Variants in EXPH5 observed in about 807,000 individuals in gnomAD.
EXPH5 encodes exophilin 5.
A neutral mutation model predicts 41.1 loss-of-function variants in EXPH5; 42 were observed. The observed-to-expected ratio is 1.02, with a 90% CI of 0.80 to 1.32. The LOEUF (loss-of-function observed/expected upper bound fraction) is 1.32, where lower values mean the gene tolerates loss of function less well. Ranked by LOEUF, EXPH5 falls within the 40% of genes most tolerant of loss-of-function variation. The probability of loss-of-function intolerance (pLI) is 0.00; values close to 1 mark genes in which losing one functional copy is unlikely to be tolerated. For missense variants in EXPH5, 2,298 were observed against 2,314.5 expected (o/e 0.99, Z 0.15); for synonymous variants, 798 against 833.5 (o/e 0.96, Z 0.73).
chr11:108,510,835 C>A lies in EXPH5; in HGVS notation c.4672G>T (p.Glu1558Ter). 6.2e-7 allele frequency: 1 copy of A among 1,614,212 alleles called. No individual in the cohort carries two copies. The highest frequency in any genetic ancestry group is 1.1e-5 in the South Asian group (1 of 91,080). The change falls in exon 6 of 6, where the codon GAA becomes TAA. Residue 1558 changes from glutamate to a stop codon, truncating the protein, a stop_gained. Transcript: ENST00000265843. LOFTEE classifies it low-confidence loss of function (END_TRUNC). ...TGATCCCAAGCTGACTTCTGCATTTCATCTTCAGCCTTCCTGCTCTCTGTC... is the reference window on the plus strand; with the variant it reads ...TGATCCCAAGCTGACTTCTGCATTTAATCTTCAGCCTTCCTGCTCTCTGTC... The part of the protein sequence containing the change: ...NMTESRKAED[E>*]MQKSAWDQPS...
intron 4 of EXPH5, among the ~76,000 whole-genome samples, chr11:108,519,979 T>A: frequency 7.4e-6 from 1 of 135,318 alleles, no homozygotes; most frequent in African/African-American, 2.7e-5. Context: ...AAAAAAAAAT[T>A]GCGAACCTGA....
chr11:108,599,983 T>C, the EXPH5 span, among the ~76,000 whole-genome samples: 2 of 152,226 alleles, frequency 1.3e-5, no homozygotes, highest in South Asian at 2.1e-4. Context: ...ACTAATCCCT[T>C]GAACTTGATT....
Position 108,509,631 on chromosome 11 carries a change from T to C in EXPH5, c.5876A>G (p.Tyr1959Cys), listed in dbSNP as rs1297992256. The change falls in exon 6 of 6, where the codon TAT (tyrosine) becomes TGT (cysteine). Residue 1959 changes from tyrosine (Y) to cysteine (C), a missense_variant. By Grantham distance (194) the Tyr-to-Cys change is radical. Coordinates refer to ENST00000265843, the MANE Select transcript of EXPH5 (RefSeq NM_015065.3). Reference sequence around the variant, plus strand: ...ATCTGAGTCCACTGGGTCATCCTCATAGATATTAAGCGGTTCACTTGGAGA... The same window carrying C: ...ATCTGAGTCCACTGGGTCATCCTCACAGATATTAAGCGGTTCACTTGGAGA... ...GLSPSEPLNI[Y>C]EDDPVDSDCD... 4 of 1,612,960 alleles carry C rather than the reference T, an allele frequency of 2.5e-6. No individual in the cohort carries two copies. Among genetic ancestry groups the C allele is most frequent in the East Asian group, 2.2e-5 (1 of 44,890 alleles).
chr11:108,568,387 CT>C (rs1431709162), intron 1 of EXPH5, among the ~76,000 whole-genome samples: 4 of 152,088 alleles, frequency 2.6e-5, no homozygotes, highest in African/African-American at 9.7e-5. Context: ...CGGTTCCCCC[CT>C]CTACTGTCAG....
chr11:108,606,710 C>T, the EXPH5 span, among the ~76,000 whole-genome samples: 31 of 152,116 alleles, frequency 2.0e-4, no homozygotes, highest in Non-Finnish European at 3.4e-4. Flanking sequence ...GACACCCTCC[C>T]TCAAGCCTCC....
chr11:108,519,266 A>C (rs980446226), intron 4 of EXPH5, among the ~76,000 whole-genome samples: 26 of 152,254 alleles, frequency 1.7e-4, no homozygotes, highest in African/African-American at 6.3e-4. Flanking sequence ...ACTTTGGGTA[A>C]GTGGTGGGGT....
chr11:108,567,881 T>C (rs1273275190), intron 1 of EXPH5: 2 of 152,212 alleles, frequency 1.3e-5, no homozygotes, highest in African/African-American at 4.8e-5. Flanking sequence ...AGCCAAGCAG[T>C]CTTCCAGGGG....
the EXPH5 span, among the ~76,000 whole-genome samples, chr11:108,605,523 C>T: frequency 1.3e-5 from 2 of 152,158 alleles, no homozygotes; most frequent in Non-Finnish European, 2.9e-5. Flanking sequence ...GGGTAGAGGG[C>T]AGAGATGCGG....
At chr11:108,527,761 T>C (rs1432694518) in intron 4 of EXPH5, among the ~76,000 whole-genome samples, 2 of 152,200 alleles carry the variant, frequency 1.3e-5, no homozygotes, top group African/African-American at 4.8e-5. Context: ...TGAGTACAAA[T>C]GATAACCACA....
chr11:108,596,087 C>T (rs982163602), upstream of EXPH5, among the ~76,000 whole-genome samples: 4 of 151,716 alleles, frequency 2.6e-5, no homozygotes, highest in Admixed American at 1.3e-4. Flanking sequence ...CCCAGCTACT[C>T]GGGAGGCTGA....
chr11:108,544,813 A>G (rs1278086418), intron 1 of EXPH5, among the ~76,000 whole-genome samples: 1 of 152,230 alleles, frequency 6.6e-6, no homozygotes. Flanking sequence ...TGTAAAAATG[A>G]TCCCCCTTTT....
intron 4 of EXPH5, among the ~76,000 whole-genome samples, chr11:108,519,393 C>T (rs2093749237): frequency 6.6e-6 from 1 of 152,004 alleles, no homozygotes; most frequent in Admixed American, 6.6e-5. Flanking sequence ...TTTTGGATTT[C>T]CTAACGTTGT....
chr11:108,521,818 G>A (rs902228032), intron 4 of EXPH5, among the ~76,000 whole-genome samples: 2 of 152,232 alleles, frequency 1.3e-5, no homozygotes, highest in African/African-American at 4.8e-5. Flanking sequence ...AGAACAGTAG[G>A]CATAATTCTC....
intron 3 of EXPH5, among the ~76,000 whole-genome samples, chr11:108,532,641 T>C (rs775621311): frequency 2.6e-5 from 4 of 151,848 alleles, no homozygotes; most frequent in Admixed American, 1.3e-4. Context: ...TGTATGACCA[T>C]TTAAACAAAA....
intron 1 of EXPH5, among the ~76,000 whole-genome samples, chr11:108,577,889 A>AT (rs1430658502): frequency 1.0e-4 from 15 of 150,668 alleles, no homozygotes; most frequent in African/African-American, 2.4e-4. Flanking sequence ...TTAAAATTTG[A>AT]TTTTTTTTTG....
chr11:108,599,104 A>G, the EXPH5 span, among the ~76,000 whole-genome samples: 1 of 152,026 alleles, frequency 6.6e-6, no homozygotes, highest in Non-Finnish European at 1.5e-5. Flanking sequence ...TCCTCCTCAC[A>G]CCTGGCTGGC....
At position 108,545,268 on chromosome 11, in the gene EXPH5, G is replaced by C. The variant is rs576777160; in HGVS notation, c.120-3456C>G. On this transcript the variant is annotated intron_variant, in intron 1 of 5. Transcript: ENST00000265843. ...GTCTCTACAAAAAATTTAAAAGTTA[G>C]CCAGGCGTGGTTGCTTGCACCTGTG... is the stretch of plus-strand genomic sequence containing the variant. 4.1e-3 allele frequency among the ~76,000 whole-genome samples: 631 copies of C among 152,204 alleles called. 3 individuals carry two copies. Among genetic ancestry groups the C allele is most frequent in the Middle Eastern group, 0.01 (3 of 294 alleles).
chr11:108,538,933 A>G lies in EXPH5; in HGVS notation c.443+91T>C, dbSNP rs1033251584. ...TACCAATTGAATTGAAATTCTAAGA[A>G]CAAACATTAAACATTTTGAACACAA... On this transcript the variant is annotated intron_variant, in intron 3 of 5. Coordinates refer to ENST00000265843, the MANE Select transcript of EXPH5 (RefSeq NM_015065.3). The G allele has an allele frequency of 9.5e-6, 11 of 1,159,938 alleles. No individual in the cohort carries two copies. The African/African-American group carries it at 1.7e-4, about 18-fold the overall frequency. 71.9% of individuals were successfully genotyped at this position (1,159,938 alleles called of 1,614,324 possible).
intron 5 of EXPH5, among the ~76,000 whole-genome samples, chr11:108,515,193 T>C (rs767777382): frequency 7.9e-5 from 12 of 152,192 alleles, no homozygotes; most frequent in Non-Finnish European, 1.5e-4. Context: ...CTAAAGTGTA[T>C]TGAGTTTTTC....
Sources: allele counts gnomAD v4.1 joint callset (sites outside exome capture counted in the v4.1 genomes callset), GRCh38; gene constraint gnomAD v4.1.1; transcripts MANE v1.5; gene names NCBI Gene and HGNC (gene_info 2026-07-23, HGNC 2026-07-21).